The following DCDC1 variants were observed in gnomAD, a reference collection of about 807,000 sequenced individuals.
The protein encoded by DCDC1 is doublecortin domain-containing protein 1.
A neutral mutation model predicts 178.3 loss-of-function variants in DCDC1; 200 were observed. The ratio of observed to expected loss-of-function variants is 1.12; its 90% CI spans 1.00 to 1.26. DCDC1 has a LOEUF of 1.26. DCDC1 is among the 50% of genes most tolerant of loss of function. The pLI, the probability that DCDC1 is intolerant of heterozygous loss-of-function variation, is 0.00. For synonymous variants in DCDC1, 690 were observed against 604.8 expected (o/e 1.14, Z -2.07); for missense variants, 1,983 against 1,749.2 (o/e 1.13, Z -2.38).
intron 20 of DCDC1, among the ~76,000 whole-genome samples, chr11:31,025,573 T>C (rs535302530): frequency 6.6e-6 from 1 of 151,916 alleles, no homozygotes; most frequent in South Asian, 2.1e-4. Flanking sequence ...TTAAACTTTT[T>C]TGGTAAACAA....
At chr11:31,148,919 A>C (rs1005972761) in intron 9 of DCDC1, among the ~76,000 whole-genome samples, 9 of 150,950 alleles carry the variant, frequency 6.0e-5, no homozygotes, top group Non-Finnish European at 8.8e-5. Flanking sequence ...CCAAGTCCCC[A>C]AAATCCATTA....
intron 8 of DCDC1, among the ~76,000 whole-genome samples, chr11:31,245,743 T>C (rs186339831): frequency 1.3e-5 from 2 of 151,914 alleles, no homozygotes; most frequent in East Asian, 3.9e-4. Flanking sequence ...AAAATTTAAA[T>C]GACAGAGCAA....
Position 31,073,243 on chromosome 11 carries a change from T to A in DCDC1, c.2298+4622A>T, listed in dbSNP as rs139357955. Among the ~76,000 whole-genome samples the A allele has an allele frequency of 1.5e-3, 231 of 152,222 alleles. 2 individuals are homozygous for A. The highest frequency in any genetic ancestry group is 5.1e-3 in the African/African-American group (211 of 41,548). ...TTAGAAACAAAACCTTGAAAATAAT[T>A]TGTGTTTGAAGCATAAAAGTATGCA... On this transcript the variant is annotated intron_variant, in intron 18 of 38. Coordinates refer to ENST00000684477, the MANE Select transcript of DCDC1 (RefSeq NM_001387274.1).
intron 7 of DCDC1, 67 bp downstream of exon 7, chr11:31,290,577 AAAC>A (rs2137393645): frequency 2.1e-6 from 3 of 1,436,830 alleles, no homozygotes; most frequent in Non-Finnish European, 2.8e-6. Context: ...TAGAAGAAGA[AAAC>A]AACACATTTC....
intron 12 of DCDC1, among the ~76,000 whole-genome samples, chr11:31,107,212 G>A (rs1388604955): frequency 2.0e-5 from 3 of 152,150 alleles, no homozygotes; most frequent in East Asian, 1.9e-4. Context: ...CCTTTGGCAC[G>A]GGGACTGAAA....
At chr11:30,953,686 A>G (rs912639635) in intron 20 of DCDC1, among the ~76,000 whole-genome samples, 3 of 152,278 alleles carry the variant, frequency 2.0e-5, no homozygotes, top group Non-Finnish European at 4.4e-5. Context: ...GTTCTTCAGA[A>G]AGTCAAATAT....
intron 13 of DCDC1, among the ~76,000 whole-genome samples, chr11:31,105,832 C>T (rs1958810181): frequency 6.6e-6 from 1 of 152,102 alleles, no homozygotes; most frequent in Non-Finnish European, 1.5e-5. Context: ...TATAGCAAAT[C>T]CAATAGCCCT....
At chr11:31,119,160 T>C (rs1178723017) in intron 11 of DCDC1, among the ~76,000 whole-genome samples, 1 of 152,140 alleles carries the variant, frequency 6.6e-6, no homozygotes, top group Non-Finnish European at 1.5e-5. Flanking sequence ...GTGTAAAGGC[T>C]TCGTAGGATC....
intron 17 of DCDC1, among the ~76,000 whole-genome samples, chr11:31,088,202 T>C (rs972367749): frequency 1.3e-5 from 2 of 152,078 alleles, no homozygotes; most frequent in Non-Finnish European, 2.9e-5. Flanking sequence ...TTTGTTTCTT[T>C]ATATTTAAAG....
intron 9 of DCDC1, among the ~76,000 whole-genome samples, chr11:31,174,976 G>T (rs1178680131): frequency 1.3e-5 from 2 of 152,182 alleles, no homozygotes; most frequent in Non-Finnish European, 2.9e-5. Flanking sequence ...AGGGCTAAAA[G>T]AAATGTAACA....
intron 20 of DCDC1, among the ~76,000 whole-genome samples, chr11:30,954,573 G>A (rs1298963005): frequency 6.6e-6 from 1 of 152,184 alleles, no homozygotes; most frequent in Non-Finnish European, 1.5e-5. Context: ...TATAATTAAA[G>A]ATGTAAAATT....
Position 31,172,186 on chromosome 11 carries a change from C to G in DCDC1, c.1222-34402G>C, listed in dbSNP as rs373125428. ...ATAATTTTAAAAATTATATATTTCCCTATAATCTAAACTTCAGATCCAAGA... is the reference window on the plus strand; with the variant it reads ...ATAATTTTAAAAATTATATATTTCCGTATAATCTAAACTTCAGATCCAAGA... On this transcript the variant is annotated intron_variant, in intron 9 of 38. Transcript: ENST00000684477. Among the ~76,000 whole-genome samples, 33 of 152,022 alleles carry G rather than the reference C, an allele frequency of 2.2e-4. No individual in the cohort carries two copies. The East Asian group carries it at 2.9e-3, about 13-fold the overall frequency.
intron 9 of DCDC1, among the ~76,000 whole-genome samples, chr11:31,185,660 G>A (rs944084821): frequency 6.6e-6 from 1 of 152,110 alleles, no homozygotes; most frequent in Non-Finnish European, 1.5e-5. Flanking sequence ...TTTCTGCCTT[G>A]CTTTAAGATT....
At chr11:31,273,156 T>A (rs1442153164) in intron 7 of DCDC1, among the ~76,000 whole-genome samples, 6 of 152,208 alleles carry the variant, frequency 3.9e-5, no homozygotes, top group Admixed American at 3.9e-4. Flanking sequence ...GGAGACACTT[T>A]CCCCATTGTC....
chr11:31,150,572 ATATC>A lies in DCDC1; in HGVS notation c.1222-12792_1222-12789del, dbSNP rs558577113. ...GCTTTACTCAACTAAATTTTCTACA[ATATC>A]TATCTATCTATCTATCTTTCTATCT... On this transcript the variant is annotated intron_variant, in intron 9 of 38. Coordinates refer to ENST00000684477, the MANE Select transcript of DCDC1 (RefSeq NM_001387274.1). Among the ~76,000 whole-genome samples, 528 of 152,236 alleles carry A rather than the reference ATATC, an allele frequency of 3.5e-3. 3 individuals carry two copies. The highest frequency in any genetic ancestry group is 2.5e-3 in the Non-Finnish European group (173 of 67,986).
At chr11:31,322,691 G>A (rs1030407796) in intron 3 of DCDC1, among the ~76,000 whole-genome samples, 2 of 152,182 alleles carry the variant, frequency 1.3e-5, no homozygotes, top group African/African-American at 4.8e-5. Flanking sequence ...AAAGGATCTA[G>A]CCAATATTCT....
chr11:31,084,604 A>T (rs555834699), intron 17 of DCDC1, among the ~76,000 whole-genome samples: 1 of 152,262 alleles, frequency 6.6e-6, no homozygotes, highest in South Asian at 2.1e-4. Flanking sequence ...AAAGGTGAGC[A>T]GGAGGGAGGA....
intron 20 of DCDC1, among the ~76,000 whole-genome samples, chr11:30,982,243 C>A (rs916571265): frequency 1.2e-4 from 19 of 152,142 alleles, no homozygotes; most frequent in Admixed American, 5.9e-4. Flanking sequence ...CAACTTCTTC[C>A]AAGGTGAGTT....
intron 1 of DCDC1, among the ~76,000 whole-genome samples, chr11:31,337,995 A>G (rs757303322): frequency 2.0e-5 from 3 of 152,206 alleles, no homozygotes; most frequent in Non-Finnish European, 4.4e-5. Context: ...TTGTATCAGC[A>G]GGAAGCAGGC....
Sources: allele counts gnomAD v4.1 joint callset (sites outside exome capture counted in the v4.1 genomes callset), GRCh38; gene constraint gnomAD v4.1.1; transcripts MANE v1.5; gene names NCBI Gene and HGNC (gene_info 2026-07-23, HGNC 2026-07-21).